PLCG1: variants seen among roughly 807,000 people sequenced by gnomAD.
PLCG1 encodes 1-phosphatidylinositol 4,5-bisphosphate phosphodiesterase gamma-1.
PLCG1 carries 71 observed loss-of-function variants against 177.8 expected under a neutral mutation model. The ratio of observed to expected loss-of-function variants is 0.40; its 90% CI spans 0.33 to 0.49. PLCG1 has a LOEUF of 0.49. Among genes scored for constraint, PLCG1 ranks in the 20% least tolerant of loss-of-function variants. The pLI, the probability that PLCG1 is intolerant of heterozygous loss-of-function variation, is 0.72. For synonymous variants in PLCG1, 658 were observed against 647.9 expected (o/e 1.02, Z -0.24); for missense variants, 1,281 against 1,709.0 (o/e 0.75, Z 4.42).
chr20:41,137,885 C>G lies in PLCG1; in HGVS notation c.217+27C>G, dbSNP rs2034650633. ...TAAGTGCGCCCACTTCCTGCCTGGG[C>G]CCGCCCCGCGCGGGGGTCGTGGGAG... On this transcript the variant is annotated intron_variant, in intron 1 of 31. Coordinates refer to ENST00000685551, the MANE Select transcript of PLCG1 (RefSeq NM_002660.3). The surrounding 1 kb of genome is among the most constrained non-coding windows in gnomAD (Gnocchi z 7.3). The G allele has an allele frequency of 8.1e-7, 1 of 1,238,812 alleles. No individual in the cohort carries two copies. The highest frequency in any genetic ancestry group is 1.6e-5 in the African/African-American group (1 of 64,290). The allele number at this position is 1,238,812 out of a possible 1,614,324, so 76.7% of individuals were successfully genotyped here.
chr20:41,176,723 G>A lies in PLCG1; in HGVS notation c.*2214G>A, dbSNP rs1025490511. 6 of 152,204 alleles carry A rather than the reference G, an allele frequency of 3.9e-5. No individual in the cohort carries two copies. Among genetic ancestry groups the A allele is most frequent in the African/African-American group, 9.7e-5 (4 of 41,436 alleles). The allele number at this position is 152,204 out of a possible 1,614,324, so 9.4% of individuals were successfully genotyped here. On this transcript the variant is annotated 3_prime_UTR_variant, in exon 32 of 32. Coordinates refer to ENST00000685551, the MANE Select transcript of PLCG1 (RefSeq NM_002660.3). ...TTGATTGTTCTTCCTAGTGGAAAAC[G>A]TGCCAACTCTCAAGCAAATTTAAAG...
At chr20:41,171,665 T>C (rs1186345895) in intron 24 of PLCG1, among the ~76,000 whole-genome samples, 1 of 150,778 alleles carries the variant, frequency 6.6e-6, no homozygotes. Context: ...GTAAGTGGGC[T>C]TCTGTAGAGA....
rs1417967271 is a variant in PLCG1 at position 41,148,123 on chromosome 20, T to G, written c.217+10265T>G. On this transcript the variant is annotated intron_variant, in intron 1 of 31. Transcript: ENST00000685551. The surrounding 1 kb of genome is among the most constrained non-coding windows in gnomAD (Gnocchi z 4.3). ...TGTCTCAGCAAGCAGGCCTCTGACCTGACGACTTCCGGTCATTATTTAGAA... is the reference window on the plus strand; with the variant it reads ...TGTCTCAGCAAGCAGGCCTCTGACCGGACGACTTCCGGTCATTATTTAGAA... 3.3e-5 allele frequency among the ~76,000 whole-genome samples: 5 copies of G among 152,234 alleles called. No homozygotes were observed. The highest frequency in any genetic ancestry group is 5.9e-5 in the Non-Finnish European group (4 of 68,046).
chr20:41,138,067 C>T (rs2034662181), intron 1 of PLCG1: 2 of 384,592 alleles, frequency 5.2e-6, no homozygotes, highest in Non-Finnish European at 9.2e-6. Flanking sequence ...CAGGACACCC[C>T]CCCTCCCCCA....
chr20:41,170,551 C>A, intron 24 of PLCG1: 1 of 352,988 alleles, frequency 2.8e-6, no homozygotes. Flanking sequence ...GAGGAGAAGT[C>A]CTGGGCTGGA....
Position 41,172,402 on chromosome 20 carries a change from T to A in PLCG1, c.2906-19T>A. The stretch of plus-strand genomic sequence containing the variant: ...CCTGGGTGGGCGGGCTCTGTAAGTG[T>A]TTTCCCTGTTTGGCCCAGAGATTGG... On this transcript the variant is annotated intron_variant, in intron 25 of 31. Coordinates refer to ENST00000685551, the MANE Select transcript of PLCG1 (RefSeq NM_002660.3). The surrounding 1 kb of genome is among the most constrained non-coding windows in gnomAD (Gnocchi z 7.0). The A allele has an allele frequency of 6.2e-7, 1 of 1,611,232 alleles. No individual in the cohort carries two copies. Among genetic ancestry groups the A allele is most frequent in the African/African-American group, 1.3e-5 (1 of 74,970 alleles).
chr20:41,169,437 G>T lies in PLCG1; in HGVS notation c.2581-20G>T. The T allele has an allele frequency of 6.2e-7, 1 of 1,600,246 alleles. No homozygotes were observed. Among genetic ancestry groups the T allele is most frequent in the Non-Finnish European group, 8.6e-7 (1 of 1,167,508 alleles). On this transcript the variant is annotated intron_variant, in intron 22 of 31. Transcript: ENST00000685551. ...TATGCAGTAGCCATGCTGACCATTGGTGGGCTTTGCTTCCCACAGCACTTG... is the reference window on the plus strand; with the variant it reads ...TATGCAGTAGCCATGCTGACCATTGTTGGGCTTTGCTTCCCACAGCACTTG...
In PLCG1 at chr20:41,156,556, C is replaced by T. The variant is rs991143998; in HGVS notation, c.218-3050C>T. On this transcript the variant is annotated intron_variant, in intron 1 of 31. Transcript: ENST00000685551. This position sits in a 1 kb window ranked among gnomAD's most constrained non-coding sequence, Gnocchi z 5.0. ...GTTCTCAAAGAGTTCCTCCTTCTCA[C>T]TGCCCCATCTTCTTCATAGTGACGG... Among the ~76,000 whole-genome samples the T allele has an allele frequency of 6.6e-6, 1 of 152,242 alleles. No individual in the cohort carries two copies. Among genetic ancestry groups the T allele is most frequent in the African/African-American group, 2.4e-5 (1 of 41,460 alleles).
chr20:41,163,681 C>T lies in PLCG1; in HGVS notation c.892-34C>T. The T allele has an allele frequency of 7.1e-7, 1 of 1,415,646 alleles. No homozygotes were observed. Among genetic ancestry groups the T allele is most frequent in the Non-Finnish European group, 1.0e-6 (1 of 998,862 alleles). 87.7% of individuals were successfully genotyped at this position (1,415,646 alleles called of 1,614,324 possible). ...TCTTGGGTTGGACAGGGCAGGGACT[C>T]ACTGTCTCTTCCCTTCCACATGTTT... On this transcript the variant is annotated intron_variant, in intron 9 of 31. Transcript: ENST00000685551. The surrounding 1 kb of genome is among the most constrained non-coding windows in gnomAD (Gnocchi z 5.2).
intron 1 of PLCG1, among the ~76,000 whole-genome samples, chr20:41,140,014 G>A (rs545909412): frequency 6.6e-6 from 1 of 152,246 alleles, no homozygotes; most frequent in Admixed American, 6.5e-5. Context: ...AGAAAAGAGG[G>A]GTGCAGAGAG....
chr20:41,166,054 G>A lies in PLCG1; in HGVS notation c.1800-140G>A. The A allele has an allele frequency of 5.5e-6, 4 of 726,164 alleles. No individual in the cohort carries two copies. The highest frequency in any genetic ancestry group is 8.8e-6 in the Non-Finnish European group (4 of 453,422). 45.0% of individuals were successfully genotyped at this position (726,164 alleles called of 1,614,324 possible). ...GCCCACACCTTTGGTTCATGTGACT[G>A]CCCACACCTGAGCTCCTCAGGAGAT... On this transcript the variant is annotated intron_variant, in intron 16 of 31. Coordinates refer to ENST00000685551, the MANE Select transcript of PLCG1 (RefSeq NM_002660.3). The surrounding 1 kb of genome is among the most constrained non-coding windows in gnomAD (Gnocchi z 8.6).
rs2035745647 is a variant in PLCG1, at chr20:41,167,643, C to T, written c.2302-209C>T. ...GAGATTTTAGAATCCTGGGCTGGGC[C>T]TTACATGTAAGAATGTGAAGAAAGG... On this transcript the variant is annotated intron_variant, in intron 19 of 31. Transcript: ENST00000685551. The surrounding 1 kb of genome is among the most constrained non-coding windows in gnomAD (Gnocchi z 4.4). 6.9e-6 allele frequency: 4 copies of T among 580,368 alleles called. No individual in the cohort carries two copies. The highest frequency in any genetic ancestry group is 1.9e-5 in the African/African-American group (1 of 53,470). 36.0% of individuals were successfully genotyped at this position (580,368 alleles called of 1,614,324 possible). A position where few individuals can be genotyped will look rare whatever the true frequency, so the allele number is the denominator to read the frequency against.
In PLCG1 at chr20:41,163,743, A is replaced by G. The variant is rs2035592217; in HGVS notation, c.920A>G (p.Asn307Ser). 6.2e-7 allele frequency: 1 copy of G among 1,612,676 alleles called. No homozygotes were observed. Among genetic ancestry groups the G allele is most frequent in the Admixed American group, 1.7e-5 (1 of 60,000 alleles). Residue 307 changes from asparagine (N) to serine (S), a missense_variant, in exon 10 of 32, where the codon AAC becomes AGC. Asn to Ser is a conservative substitution (Grantham distance 46, BLOSUM62 1). This residue lies in a region of PLCG1 where 374 missense variants were observed against 443.8 expected (regional missense o/e 0.84). Transcript: ENST00000685551. The surrounding 1 kb of genome is among the most constrained non-coding windows in gnomAD (Gnocchi z 5.2). Reference protein sequence around the residue: ...EFVTFLFSKENSVWNSQLDAV... With the variant: ...EFVTFLFSKESSVWNSQLDAV... The stretch of plus-strand genomic sequence containing the variant: ...GTCACCTTCCTGTTCTCCAAAGAGA[A>G]CAGTGTGTGGAACTCGCAGCTGGAT...
In PLCG1 at chr20:41,147,718, AGGC is replaced by A. The variant is rs1035080153; in HGVS notation, c.217+9862_217+9864del. On this transcript the variant is annotated intron_variant, in intron 1 of 31. Transcript: ENST00000685551. The surrounding 1 kb of genome is among the most constrained non-coding windows in gnomAD (Gnocchi z 4.0). The stretch of plus-strand genomic sequence containing the variant: ...ACAAAAATTAACCAGGCGTGGTGTC[AGGC>A]GCCTGTAACCCAGCTACTCAGGAAG... 2.6e-5 allele frequency among the ~76,000 whole-genome samples: 4 copies of A among 152,144 alleles called. No homozygotes were observed. Among genetic ancestry groups the A allele is most frequent in the Non-Finnish European group, 5.9e-5 (4 of 68,018 alleles).
rs1467456645 is a variant in PLCG1 at position 41,151,685 on chromosome 20, A to G, written c.218-7921A>G. ...AGGGAGGAATGAGAGGGAGAGGAGA[A>G]CTCTCACCCTTTCCACAGGCTTTGG... On this transcript the variant is annotated intron_variant, in intron 1 of 31. Transcript: ENST00000685551. This position sits in a 1 kb window ranked among gnomAD's most constrained non-coding sequence, Gnocchi z 5.5. 6.6e-6 allele frequency among the ~76,000 whole-genome samples: 1 copy of G among 152,028 alleles called. No individual in the cohort carries two copies. The highest frequency in any genetic ancestry group is 1.9e-4 in the East Asian group (1 of 5,180).
intron 1 of PLCG1, among the ~76,000 whole-genome samples, chr20:41,158,332 G>T (rs1207653938): frequency 1.3e-5 from 2 of 152,218 alleles, no homozygotes; most frequent in Non-Finnish European, 2.9e-5. Flanking sequence ...TACCAGGCCA[G>T]TCTGGGTTTA....
In PLCG1 at chr20:41,165,824, C is replaced by T. The variant is rs753757672; in HGVS notation, c.1797C>T (p.Phe599=). 3.8e-6 allele frequency: 6 copies of T among 1,576,538 alleles called. No homozygotes were observed. The highest frequency in any genetic ancestry group is 5.2e-6 in the Non-Finnish European group (6 of 1,157,554). ...ETFVGDYTLS[F]WRNGKVQHCR... is the part of the protein sequence containing the mutation. ...TCGTGGGCGACTACACGCTCTCTTT[C>T]TGGTAACACTTCCCATGCAGATGCG... The change falls in exon 16 of 32, where the codon TTC becomes TTT. Residue 599 remains phenylalanine, a splice_region_variant and synonymous_variant. Coordinates refer to ENST00000685551, the MANE Select transcript of PLCG1 (RefSeq NM_002660.3). The surrounding 1 kb of genome is among the most constrained non-coding windows in gnomAD (Gnocchi z 6.6).
At position 41,173,917 on chromosome 20, in the gene PLCG1, T is replaced by G. The variant is rs2146066557; in HGVS notation, c.3557-6T>G. On this transcript the variant is annotated splice_polypyrimidine_tract_variant and splice_region_variant and intron_variant, in intron 29 of 31. Coordinates refer to ENST00000685551, the MANE Select transcript of PLCG1 (RefSeq NM_002660.3). This position sits in a 1 kb window ranked among gnomAD's most constrained non-coding sequence, Gnocchi z 6.2. Reference sequence around the variant, plus strand: ...GGGCTGAGGGCCAGGCTTTTCCTCCTCCTAGGATACAGAGCAGTGCCTTTG... The same window carrying G: ...GGGCTGAGGGCCAGGCTTTTCCTCCGCCTAGGATACAGAGCAGTGCCTTTG... The G allele has an allele frequency of 6.2e-7, 1 of 1,613,730 alleles. No homozygotes were observed. The highest frequency in any genetic ancestry group is 1.7e-5 in the Admixed American group (1 of 60,012).
rs1427140679 is a variant in PLCG1 at position 41,159,504 on chromosome 20, C to G, written c.218-102C>G. On this transcript the variant is annotated intron_variant, in intron 1 of 31. Coordinates refer to ENST00000685551, the MANE Select transcript of PLCG1 (RefSeq NM_002660.3). This position sits in a 1 kb window ranked among gnomAD's most constrained non-coding sequence, Gnocchi z 6.0. ...TCTTGGCTCTGCCTCTGGGGTTCCT[C>G]CCTGAGAGAGAGTGTAAGAATGAGG... is the stretch of plus-strand genomic sequence containing the variant. The G allele has an allele frequency of 8.1e-7, 1 of 1,239,458 alleles. No individual in the cohort carries two copies. The highest frequency in any genetic ancestry group is 1.1e-6 in the Non-Finnish European group (1 of 881,104). The allele number at this position is 1,239,458 out of a possible 1,614,324, so 76.8% of individuals were successfully genotyped here.
Sources: gnomAD v4.1 joint callset for allele counts (sites outside exome capture counted in the v4.1 genomes callset) on GRCh38, gnomAD v4.1.1 for gene constraint, gnomAD v4.1.1 regional missense constraint, Gnocchi (gnomAD v3.1) non-coding constraint, MANE v1.5 for transcripts, NCBI Gene and HGNC (gene_info 2026-07-23, HGNC 2026-07-21) for gene names.